Variants in NPAS3 observed in about 807,000 individuals in gnomAD.
The protein encoded by NPAS3 is neuronal PAS domain protein 3.
NPAS3 carries 14 observed loss-of-function variants against 73.1 expected under a neutral mutation model. The observed-to-expected ratio is 0.19, with a 90% confidence interval of 0.13 to 0.30. The LOEUF is 0.30. Ranked by LOEUF, NPAS3 falls within the 10% of genes least tolerant of loss-of-function variation. The probability of loss-of-function intolerance (pLI) is 1.00; values close to 1 mark genes in which losing one functional copy is unlikely to be tolerated. For synonymous variants in NPAS3, 620 were observed against 541.5 expected, an observed-to-expected ratio of 1.14 and a Z score of -2.01; for missense variants, 1,096 against 1,250.0, an observed-to-expected ratio of 0.88 and a Z score of 1.86.
intron 4 of NPAS3, among the ~76,000 whole-genome samples, chr14:33,501,163 T>G (rs972720446): frequency 6.6e-6 from 1 of 151,938 alleles, no homozygotes; most frequent in Non-Finnish European, 1.5e-5. Flanking sequence ...GTGCTAAACA[T>G]ATCCCATCTC....
intron 3 of NPAS3, among the ~76,000 whole-genome samples, chr14:33,292,880 T>G (rs2140117153): frequency 6.6e-6 from 1 of 152,302 alleles, no homozygotes. Context: ...GGAAAATGTC[T>G]TGGTGAGGTC....
intron 1 of NPAS3, among the ~76,000 whole-genome samples, chr14:32,968,383 TA>T (rs1433279842): frequency 6.6e-6 from 1 of 152,250 alleles, no homozygotes; most frequent in Admixed American, 6.5e-5. Flanking sequence ...AATAAAACAT[TA>T]AAAAACTTCC....
At chr14:33,160,507 G>A (rs2044827525) in intron 2 of NPAS3, among the ~76,000 whole-genome samples, 2 of 119,060 alleles carry the variant, frequency 1.7e-5, no homozygotes, top group Non-Finnish European at 3.4e-5. Context: ...GGGGGGAGGG[G>A]GGAGGGATAG....
intron 4 of NPAS3, among the ~76,000 whole-genome samples, chr14:33,424,725 G>A (rs2048487243): frequency 6.6e-6 from 1 of 151,562 alleles, no homozygotes; most frequent in African/African-American, 2.4e-5. Flanking sequence ...GGAGGAGGGG[G>A]AAGTGTTAGA....
At chr14:33,369,256 G>A (rs1033783037) in intron 4 of NPAS3, among the ~76,000 whole-genome samples, 3 of 151,956 alleles carry the variant, frequency 2.0e-5, no homozygotes, top group African/African-American at 7.3e-5. Flanking sequence ...ACAGCTGGAT[G>A]CCATTTGGAG....
At chr14:33,127,128 T>A (rs1217109640) in intron 2 of NPAS3, among the ~76,000 whole-genome samples, 1 of 152,030 alleles carries the variant, frequency 6.6e-6, no homozygotes, top group Admixed American at 6.6e-5. Flanking sequence ...TTGGGGCATA[T>A]TCTTTGGGAC....
At chr14:33,387,293 T>A (rs1475580927) in intron 4 of NPAS3, among the ~76,000 whole-genome samples, 1 of 152,104 alleles carries the variant, frequency 6.6e-6, no homozygotes. Flanking sequence ...GCTTGGGTAT[T>A]CGAGGTTGGA....
At chr14:33,391,922 A>G (rs952410431) in intron 4 of NPAS3, among the ~76,000 whole-genome samples, 11 of 152,360 alleles carry the variant, frequency 7.2e-5, no homozygotes, top group African/African-American at 2.6e-4. Context: ...GCAAATGAGT[A>G]AGAGAATGGT....
intron 1 of NPAS3, among the ~76,000 whole-genome samples, chr14:33,050,417 A>T (rs1253119858): frequency 6.6e-6 from 1 of 152,152 alleles, no homozygotes; most frequent in Non-Finnish European, 1.5e-5. Context: ...TTCTCTCTGG[A>T]GGATCTAGTT....
chr14:33,767,921 T>C (rs1430711123), intron 7 of NPAS3, among the ~76,000 whole-genome samples: 1 of 152,134 alleles, frequency 6.6e-6, no homozygotes, highest in African/African-American at 2.4e-5. Flanking sequence ...AACAGAAAAC[T>C]GAAAGGAGCA....
Position 33,056,338 on chromosome 14 carries a change from G to T in NPAS3, c.140+344G>T, listed in dbSNP as rs918152511. 2.6e-5 allele frequency among the ~76,000 whole-genome samples: 4 copies of T among 152,204 alleles called. No individual in the cohort carries two copies. The East Asian group carries it at 5.8e-4, about 22-fold the overall frequency. ...GCAAAATACATTGCACAGGTGCTAC[G>T]CATCTTAGGGATTTGAAAGGTGTGT... On this transcript the variant is annotated intron_variant, in intron 2 of 11. Transcript: ENST00000356141.
chr14:33,773,447 A>G (rs1002337079), intron 7 of NPAS3, among the ~76,000 whole-genome samples: 2 of 152,116 alleles, frequency 1.3e-5, no homozygotes, highest in Admixed American at 1.3e-4. Context: ...TCTGCAACCT[A>G]AGGCATAGTG....
At chr14:32,950,098 G>A (rs1294460711) in intron 1 of NPAS3, among the ~76,000 whole-genome samples, 2 of 151,888 alleles carry the variant, frequency 1.3e-5, no homozygotes, top group African/African-American at 2.4e-5. Flanking sequence ...TTAAACATCC[G>A]TTAGTTACTT....
chr14:33,293,270 G>T (rs2042170281), intron 3 of NPAS3, among the ~76,000 whole-genome samples: 1 of 152,156 alleles, frequency 6.6e-6, no homozygotes, highest in Non-Finnish European at 1.5e-5. Context: ...CAATTTGAAG[G>T]TATGGAAAGA....
intron 4 of NPAS3, among the ~76,000 whole-genome samples, chr14:33,505,428 T>G (rs1414938706): frequency 6.6e-6 from 1 of 151,984 alleles, no homozygotes; most frequent in Non-Finnish European, 1.5e-5. Flanking sequence ...TCGAAAGTTT[T>G]GAAGAAAGCC....
intron 5 of NPAS3, among the ~76,000 whole-genome samples, chr14:33,663,976 C>CAAA (rs1277086762): frequency 5.6e-5 from 8 of 142,208 alleles, no homozygotes; most frequent in African/African-American, 2.0e-4. Context: ...TTAATCTTTT[C>CAAA]AAAAAAAAAA....
At chr14:33,009,347 A>C (rs1467214080) in intron 1 of NPAS3, among the ~76,000 whole-genome samples, 1 of 152,160 alleles carries the variant, frequency 6.6e-6, no homozygotes, top group African/African-American at 2.4e-5. Flanking sequence ...CTAACAGTTG[A>C]GGGTCAGCTT....
At chr14:33,559,231 C>A (rs528904880) in intron 4 of NPAS3, among the ~76,000 whole-genome samples, 1 of 152,212 alleles carries the variant, frequency 6.6e-6, no homozygotes, top group African/African-American at 2.4e-5. Context: ...AAAACTTTAA[C>A]AGAGAGTTTT....
chr14:33,207,635 G>A (rs1335675749), intron 2 of NPAS3, among the ~76,000 whole-genome samples: 1 of 152,170 alleles, frequency 6.6e-6, no homozygotes, highest in African/African-American at 2.4e-5. Context: ...TAAACCAACA[G>A]CATTCTTTTC....
Sources: allele counts gnomAD v4.1 joint callset (sites outside exome capture counted in the v4.1 genomes callset), GRCh38; gene constraint gnomAD v4.1.1; transcripts MANE v1.5; gene names NCBI Gene and HGNC (gene_info 2026-07-23, HGNC 2026-07-21).